C11orf16: variants seen among roughly 807,000 people sequenced by gnomAD.
The protein encoded by C11orf16 is uncharacterized protein C11orf16.
A neutral mutation model predicts 45.1 loss-of-function variants in C11orf16; 38 were observed. The observed-to-expected ratio is 0.84, with a 90% CI of 0.65 to 1.10. The LOEUF is 1.10. C11orf16 is among the 50% of genes least tolerant of loss of function. C11orf16 has a pLI of 0.00. For synonymous variants in C11orf16, 221 were observed against 222.0 expected, an observed-to-expected ratio of 1.00 and a Z score of 0.04; for missense variants, 583 against 569.5, an observed-to-expected ratio of 1.02 and a Z score of -0.24.
intron 5 of C11orf16, 28 bp downstream of exon 5, chr11:8,925,435 A>G (rs1383226873): frequency 1.9e-6 from 3 of 1,592,798 alleles, no homozygotes; most frequent in South Asian, 2.2e-5. Flanking sequence ...CCCCTGCCTT[A>G]GAAAGCAAGC....
chr11:8,920,884 TG>T (rs2064567484), intron 6 of C11orf16, among the ~76,000 whole-genome samples: 1 of 152,220 alleles, frequency 6.6e-6, no homozygotes, highest in Non-Finnish European at 1.5e-5. Context: ...AGCAGAACTG[TG>T]ACATCTCCCA....
In C11orf16 at chr11:8,925,537, C is replaced by G. The variant is rs2064603862; in HGVS notation, c.1130G>C (p.Arg377Thr). Residue 377 changes from arginine to threonine, a missense_variant, in exon 5 of 7, where the codon AGA becomes ACA. Physicochemically the swap from Arg to Thr is moderately conservative, Grantham distance 71 (BLOSUM62 -1). Coordinates refer to ENST00000326053, the MANE Select transcript of C11orf16 (RefSeq NM_020643.3). ...CTCAGGCTGGCAGAGGCCACTCTGT[C>G]TCAGAGGCATCTCAAGAAAGATGGG... ...TDPIFLEMPL[R>T]QSGLCQPEWR... 1 of 1,614,262 alleles carries G rather than the reference C, an allele frequency of 6.2e-7. No homozygotes were observed. The highest frequency in any genetic ancestry group is 8.5e-7 in the Non-Finnish European group (1 of 1,180,050).
chr11:8,926,575 C>T (rs988834078), intron 4 of C11orf16, among the ~76,000 whole-genome samples: 1 of 152,128 alleles, frequency 6.6e-6, no homozygotes, highest in African/African-American at 2.4e-5. Context: ...AAGCCTCATT[C>T]TGTCATTCTC....
chr11:8,929,290 T>C, intron 3 of C11orf16, 87 bp downstream of exon 3: 1 of 1,398,356 alleles, frequency 7.2e-7, no homozygotes, highest in Non-Finnish European at 9.8e-7. Context: ...GAAACCAGCC[T>C]GCTAGATGTA....
chr11:8,927,362 G>C (rs2064621618), intron 3 of C11orf16, 188 bp from the exon 4 acceptor site: 1 of 600,814 alleles, frequency 1.7e-6, no homozygotes, highest in Admixed American at 2.8e-5. Flanking sequence ...AGGCTGTGTG[G>C]CACGGTTGTG....
intron 2 of C11orf16, among the ~76,000 whole-genome samples, chr11:8,931,883 T>TA (rs893720398): frequency 2.7e-4 from 41 of 152,204 alleles, no homozygotes; most frequent in African/African-American, 9.4e-4. Context: ...TGGCTATCCC[T>TA]AACTGCCTTC....
Position 8,927,247 on chromosome 11 carries a change from G to A in C11orf16, c.325-73C>T, listed in dbSNP as rs1466936375. ...AATAGGGAGCACCCAGGTTCCCTAC[G>A]ATGCCCCCCAAATCAGGCCCAGGGG... On this transcript the variant is annotated intron_variant, in intron 3 of 6. Coordinates refer to ENST00000326053, the MANE Select transcript of C11orf16 (RefSeq NM_020643.3). 2.2e-5 allele frequency: 27 copies of A among 1,211,432 alleles called. 1 individual carries two copies. The highest frequency in any genetic ancestry group is 4.5e-5 in the African/African-American group (3 of 66,872). The allele number at this position is 1,211,432 out of a possible 1,614,324, so 75.0% of individuals were successfully genotyped here. A position where few individuals can be genotyped will look rare whatever the true frequency, so the allele number is the denominator to read the frequency against.
chr11:8,932,223 G>T lies in C11orf16; in HGVS notation c.86C>A (p.Ala29Asp), dbSNP rs1262187045. The T allele has an allele frequency of 6.2e-7, 1 of 1,605,524 alleles. No homozygotes were observed. The highest frequency in any genetic ancestry group is 1.3e-5 in the African/African-American group (1 of 74,854). ...GAAGGAGAGGTCCCAAGGTGGAGCAGCACCGTCCCAGCCAGGGGCCTTCAG... is the reference window on the plus strand; with the variant it reads ...GAAGGAGAGGTCCCAAGGTGGAGCATCACCGTCCCAGCCAGGGGCCTTCAG... Reference protein sequence around the residue: ...TSLKAPGWDGAAPPWDLSFTY... With the variant: ...TSLKAPGWDGDAPPWDLSFTY... Residue 29 changes from alanine (A) to aspartate (D), a missense_variant, in exon 2 of 7, where the codon GCT (alanine) becomes GAT (aspartate). Transcript: ENST00000326053.
Position 8,926,920 on chromosome 11 carries a change from G to A in C11orf16, c.559+20C>T. On this transcript the variant is annotated intron_variant, in intron 4 of 6. Coordinates refer to ENST00000326053, the MANE Select transcript of C11orf16 (RefSeq NM_020643.3). ...CCTGGCTCCTTCTGGGCACTGATGG[G>A]TCAGAGCAGCTTCTCTTACCTCTCT... The A allele has an allele frequency of 6.3e-7, 1 of 1,596,768 alleles. No homozygotes were observed. The highest frequency in any genetic ancestry group is 8.6e-7 in the Non-Finnish European group (1 of 1,165,736).
Position 8,926,983 on chromosome 11 carries a change from A to C in C11orf16, c.516T>G (p.Pro172=). ...LWEPGQQQYG[P]GTVLLGLEMR... is the part of the protein sequence containing the mutation. ...TCTCCAAGCCCAAAAGAACAGTGCC[A>C]GGGCCATACTGCTGTTGGCCTGGCT... The change falls in exon 4 of 7, where the codon CCT becomes CCG. Residue 172 remains proline, a synonymous_variant. Coordinates refer to ENST00000326053, the MANE Select transcript of C11orf16 (RefSeq NM_020643.3). 6.2e-7 allele frequency: 1 copy of C among 1,614,092 alleles called. No individual in the cohort carries two copies. The highest frequency in any genetic ancestry group is 8.5e-7 in the Non-Finnish European group (1 of 1,180,008).
intron 3 of C11orf16, chr11:8,929,037 G>T (rs574391195): frequency 9.0e-5 from 21 of 233,306 alleles, no homozygotes; most frequent in African/African-American, 4.7e-4. Flanking sequence ...ACCAAAGCCT[G>T]CCAGCAAGCC....
At chr11:8,931,051 G>T (rs2064646582) in intron 2 of C11orf16, among the ~76,000 whole-genome samples, 1 of 152,138 alleles carries the variant, frequency 6.6e-6, no homozygotes, top group African/African-American at 2.4e-5. Flanking sequence ...TGTATATAGG[G>T]CTGTGGTGCC....
intron 3 of C11orf16, 148 bp downstream of exon 3, chr11:8,929,229 A>C: frequency 2.5e-6 from 2 of 791,774 alleles, no homozygotes; most frequent in Non-Finnish European, 3.9e-6. Flanking sequence ...ACTCAATGGT[A>C]TTACATGTTC....
Position 8,926,994 on chromosome 11 carries a change from G to C in C11orf16, c.505C>G (p.Gln169Glu). 1 of 1,614,074 alleles carries C rather than the reference G, an allele frequency of 6.2e-7. No homozygotes were observed. Among genetic ancestry groups the C allele is most frequent in the Non-Finnish European group, 8.5e-7 (1 of 1,180,014 alleles). The change falls in exon 4 of 7, where the codon CAG (glutamine) becomes GAG (glutamate). Residue 169 changes from glutamine to glutamate, a missense_variant. Coordinates refer to ENST00000326053, the MANE Select transcript of C11orf16 (RefSeq NM_020643.3). The part of the protein sequence containing the change: ...VLALWEPGQQ[Q>E]YGPGTVLLGL... ...AAAAGAACAGTGCCAGGGCCATACT[G>C]CTGTTGGCCTGGCTCCCAGAGTGCC...
Position 8,932,122 on chromosome 11 carries a change from A to G in C11orf16, c.167+20T>C. 6.4e-7 allele frequency: 1 copy of G among 1,552,646 alleles called. No homozygotes were observed. The highest frequency in any genetic ancestry group is 8.7e-7 in the Non-Finnish European group (1 of 1,150,322). On this transcript the variant is annotated intron_variant, in intron 2 of 6. Coordinates refer to ENST00000326053, the MANE Select transcript of C11orf16 (RefSeq NM_020643.3). Reference sequence around the variant, plus strand: ...AAAGAAAAGGGCATCCACTTCCCCCAGAGGGGCAGAGACAGGTACCTTGCA... The same window carrying G: ...AAAGAAAAGGGCATCCACTTCCCCCGGAGGGGCAGAGACAGGTACCTTGCA...
intron 6 of C11orf16, 65 bp from the exon 7 acceptor site, chr11:8,920,515 C>T: frequency 1.6e-6 from 1 of 624,884 alleles, no homozygotes; most frequent in Non-Finnish European, 2.9e-6. Context: ...TCAAAAGTCA[C>T]TGATTTTAAA....
At position 8,927,139 on chromosome 11, in the gene C11orf16, C is replaced by T. The variant is rs780935613; in HGVS notation, c.360G>A (p.Glu120=). The T allele has an allele frequency of 2.5e-6, 4 of 1,613,932 alleles. No individual in the cohort carries two copies. The Admixed American group carries it at 5.0e-5, about 20-fold the overall frequency. Residue 120 remains glutamate (E), a synonymous_variant, in exon 4 of 7, where the codon GAG becomes GAA. Coordinates refer to ENST00000326053, the MANE Select transcript of C11orf16 (RefSeq NM_020643.3). ...GCTTTGGGCCTGCGACAAGAGGAGC[C>T]TCGAATTCCACAAGCAGGACCCCCT... ...ERQGVLLVEF[E]APLVAGPKLP...
intron 3 of C11orf16, among the ~76,000 whole-genome samples, chr11:8,927,916 T>C (rs2064625592): frequency 6.6e-6 from 1 of 152,196 alleles, no homozygotes; most frequent in Admixed American, 6.5e-5. Flanking sequence ...TTGACTTTTT[T>C]TTGTTTTTTC....
chr11:8,932,170 A>G lies in C11orf16; in HGVS notation c.139T>C (p.Trp47Arg), dbSNP rs1377519013. 6.3e-7 allele frequency: 1 copy of G among 1,588,280 alleles called. No individual in the cohort carries two copies. Among genetic ancestry groups the G allele is most frequent in the Non-Finnish European group, 8.6e-7 (1 of 1,167,834 alleles). Residue 47 changes from tryptophan to arginine, a missense_variant, in exon 2 of 7, where the codon TGG becomes CGG. Coordinates refer to ENST00000326053, the MANE Select transcript of C11orf16 (RefSeq NM_020643.3). Reference protein sequence around the residue: ...FTYPFALQAPWLTGHKPLARH... With the variant: ...FTYPFALQAPRLTGHKPLARH... ...GCAAGGGGCTTGTGCCCGGTGAGCCAGGGTGCTTGGAGGGCAAAGGGGTAG... is the reference window on the plus strand; with the variant it reads ...GCAAGGGGCTTGTGCCCGGTGAGCCGGGGTGCTTGGAGGGCAAAGGGGTAG...
Sources: gnomAD v4.1 joint callset for allele counts (sites outside exome capture counted in the v4.1 genomes callset) on GRCh38, gnomAD v4.1.1 for gene constraint, MANE v1.5 for transcripts, NCBI Gene and HGNC (gene_info 2026-07-23, HGNC 2026-07-21) for gene names.